The following CDK20 variants were observed in gnomAD, a reference collection of about 807,000 sequenced individuals.
The protein encoded by CDK20 is cyclin-dependent kinase 20.
Under a neutral mutation model 38.6 loss-of-function variants are expected in CDK20, and 40 were observed. That is an observed-to-expected ratio of 1.04 (90% CI 0.81 to 1.35). The LOEUF (loss-of-function observed/expected upper bound fraction) is 1.35. CDK20 is among the 40% of genes most tolerant of loss of function. The probability of loss-of-function intolerance (pLI) is 0.00; values close to 1 mark genes in which losing one functional copy is unlikely to be tolerated. For missense variants in CDK20, 512 were observed against 452.6 expected (o/e 1.13, Z -1.19); for synonymous variants, 209 against 185.7 (o/e 1.13, Z -1.02).
chr9:87,971,088 C>T lies in CDK20; in HGVS notation c.378+59G>A, dbSNP rs1829817537. 3.8e-6 allele frequency: 6 copies of T among 1,567,236 alleles called. No individual in the cohort carries two copies. The Admixed American group carries it at 8.5e-5, about 22-fold the overall frequency. On this transcript the variant is annotated intron_variant, in intron 3 of 7. Coordinates refer to ENST00000325303, the MANE Select transcript of CDK20 (RefSeq NM_001039803.3). ...TATCACACCTTTTACAAGGGCTAGC[C>T]CCATCCCCAAGCCAAGTCAGCTCCC...
chr9:87,973,812 G>A, intron 2 of CDK20, 110 bp downstream of exon 2: 7 of 1,149,972 alleles, frequency 6.1e-6, no homozygotes, highest in Non-Finnish European at 8.8e-6. Flanking sequence ...AGTGACAGCG[G>A]GAGGAAATCC....
At chr9:87,972,415 TTTAAGGGAAG>T (rs1209668520) in intron 2 of CDK20, among the ~76,000 whole-genome samples, 2 of 152,010 alleles carry the variant, frequency 1.3e-5, no homozygotes, top group East Asian at 3.9e-4. Context: ...CATGAGATTG[TTTAAGGGAAG>T]GATGTGTCTG....
chr9:87,972,614 A>G (rs1587627335), intron 2 of CDK20, among the ~76,000 whole-genome samples: 1 of 152,310 alleles, frequency 6.6e-6, no homozygotes, highest in Middle Eastern at 3.4e-3. Context: ...GACTTAACTT[A>G]CACTTTTGAC....
In CDK20 at chr9:87,971,431, T is replaced by C. The variant is rs190225357; in HGVS notation, c.190-96A>G. 166 of 1,145,280 alleles carry C rather than the reference T, an allele frequency of 1.4e-4. No individual in the cohort carries two copies. In the African/African-American group the frequency reaches 2.3e-3, roughly 16 times the overall value. The allele number at this position is 1,145,280 out of a possible 1,614,324, so 70.9% of individuals were successfully genotyped here. ...GCCCATGCCCTGACAGAGGACCCTGTATCCAAAAAGACAGTAAGCAAAGAA... is the reference window on the plus strand; with the variant it reads ...GCCCATGCCCTGACAGAGGACCCTGCATCCAAAAAGACAGTAAGCAAAGAA... On this transcript the variant is annotated intron_variant, in intron 2 of 7. Transcript: ENST00000325303.
At chr9:87,967,725 G>C in intron 7 of CDK20, 66 bp from the exon 8 acceptor site, 1 of 1,369,856 alleles carries the variant, frequency 7.3e-7, no homozygotes, top group East Asian at 2.5e-5. Context: ...GCCTCAAGCA[G>C]ATGTTCCTTC....
At position 87,967,537 on chromosome 9, in the gene CDK20, G is replaced by C; in HGVS notation, c.966C>G (p.Asp322Glu). 6.4e-7 allele frequency: 1 copy of C among 1,554,652 alleles called. No homozygotes were observed. The highest frequency in any genetic ancestry group is 8.7e-7 in the Non-Finnish European group (1 of 1,148,672). The part of the protein sequence containing the change: ...KAHPGPPHIH[D>E]FHVDRPLEES... ...CCTCAAGAGGCCGGTCCACGTGGAA[G>C]TCATGGATGTGGGGGGGCCCTGGAT... is the stretch of plus-strand genomic sequence containing the variant. Residue 322 changes from aspartate to glutamate, a missense_variant, in exon 8 of 8, where the codon GAC (aspartate) becomes GAG (glutamate). Transcript: ENST00000325303.
intron 7 of CDK20, chr9:87,968,095 C>T (rs28364969): frequency 0.27 from 42,462 of 158,154 alleles, 6,559 homozygotes; most frequent in Non-Finnish European, 0.34. Flanking sequence ...GTGTACTGAC[C>T]CCTGGGGCTG....
intron 2 of CDK20, among the ~76,000 whole-genome samples, chr9:87,973,290 G>C (rs374674159): frequency 6.6e-6 from 1 of 152,186 alleles, no homozygotes; most frequent in South Asian, 2.1e-4. Context: ...ATCACAGCAC[G>C]AACCACACTA....
rs1294520351 is a variant in CDK20 at position 87,970,885 on chromosome 9, C to T, written c.391G>A (p.Ala131Thr). ...NNIVHRDLKP[A>T]NLLISASGQL... ...CCTGAGGCGCTGATGAGCAGGTTGG[C>T]AGGTTTCAGGTCCTGGGAGTACCAA... Residue 131 changes from alanine to threonine, a missense_variant, in exon 4 of 8, where the codon GCC (alanine) becomes ACC (threonine). Physicochemically the swap from Ala to Thr is moderately conservative, Grantham distance 58 (BLOSUM62 0). Coordinates refer to ENST00000325303, the MANE Select transcript of CDK20 (RefSeq NM_001039803.3). 2 of 1,614,174 alleles carry T rather than the reference C, an allele frequency of 1.2e-6. No individual in the cohort carries two copies. Among genetic ancestry groups the T allele is most frequent in the East Asian group, 2.2e-5 (1 of 44,858 alleles).
At chr9:87,974,141 G>C (rs921917019) in intron 1 of CDK20, 106 bp from the exon 2 acceptor site, 13 of 1,566,462 alleles carry the variant, frequency 8.3e-6, no homozygotes, top group African/African-American at 8.1e-5. Context: ...CCCCCGGCTC[G>C]GCCAGAGGCC....
intron 6 of CDK20, 105 bp downstream of exon 6, chr9:87,969,691 G>T: frequency 6.5e-7 from 1 of 1,528,160 alleles, no homozygotes; most frequent in South Asian, 1.2e-5. Flanking sequence ...CCATCAAGGG[G>T]GGTTGGGGCC....
chr9:87,973,525 T>A (rs1158059338), intron 2 of CDK20, among the ~76,000 whole-genome samples: 1 of 152,096 alleles, frequency 6.6e-6, no homozygotes, highest in Non-Finnish European at 1.5e-5. Flanking sequence ...GAAACAGAGA[T>A]CTGGAAACCT....
At chr9:87,974,260 G>A in intron 1 of CDK20, 112 bp downstream of exon 1, 1 of 1,274,840 alleles carries the variant, frequency 7.8e-7, no homozygotes, top group Non-Finnish European at 1.1e-6. Context: ...AATATGAGTA[G>A]GTTTTAAAAA....
chr9:87,967,719 C>T, intron 7 of CDK20, 60 bp from the exon 8 acceptor site: 1 of 1,389,568 alleles, frequency 7.2e-7, no homozygotes, highest in Non-Finnish European at 9.6e-7. Context: ...TCCCCAGCCT[C>T]AAGCAGATGT....
At chr9:87,969,486 A>G in intron 6 of CDK20, 137 bp from the exon 7 acceptor site, 5 of 955,284 alleles carry the variant, frequency 5.2e-6, no homozygotes, top group Non-Finnish European at 7.8e-6. Context: ...CTGACCCATC[A>G]TTCATTCACT....
chr9:87,974,311 G>C (rs1037346583), intron 1 of CDK20, 61 bp downstream of exon 1: 2 of 1,528,848 alleles, frequency 1.3e-6, no homozygotes, highest in Non-Finnish European at 1.8e-6. Flanking sequence ...AGTTTAGAGC[G>C]TTAGCCGGAG....
chr9:87,974,162 G>A (rs1381460045), intron 1 of CDK20, 127 bp from the exon 2 acceptor site: 3 of 1,503,948 alleles, frequency 2.0e-6, no homozygotes, highest in African/African-American at 1.4e-5. Flanking sequence ...CTCCTCGGGG[G>A]TCTAGGACTA....
chr9:87,971,225 G>A lies in CDK20; in HGVS notation c.300C>T (p.Ala100=), dbSNP rs369580008. The A allele has an allele frequency of 4.3e-6, 7 of 1,614,138 alleles. No individual in the cohort carries two copies. The highest frequency in any genetic ancestry group is 5.9e-6 in the Non-Finnish European group (7 of 1,180,026). ...GCAGGTAGCTCTTGACCTGTGCCTG[G>A]GCTAGTGGCCTCTGGGCATGGCGCA... ...EVVRHAQRPL[A]QAQVKSYLQM... Residue 100 remains alanine (A), a synonymous_variant, in exon 3 of 8, where the codon GCC becomes GCT. Transcript: ENST00000325303.
intron 5 of CDK20, 46 bp downstream of exon 5, chr9:87,970,522 A>AAATCC (rs759207303): frequency 1.3e-6 from 2 of 1,563,596 alleles, no homozygotes; most frequent in South Asian, 2.3e-5. Flanking sequence ...AGCCTAGCAG[A>AAATCC]AATCCATGAG....
Sources: allele counts gnomAD v4.1 joint callset (sites outside exome capture counted in the v4.1 genomes callset), GRCh38; gene constraint gnomAD v4.1.1; transcripts MANE v1.5; gene names NCBI Gene and HGNC (gene_info 2026-07-23, HGNC 2026-07-21).